ZNF280B: variants seen among roughly 807,000 people sequenced by gnomAD.
ZNF280B encodes suppressor of hairy wing homolog 2.
ZNF280B carries 16 observed loss-of-function variants against 38.0 expected under a neutral mutation model. The ratio of observed to expected loss-of-function variants is 0.42; its 90% CI spans 0.28 to 0.64. The LOEUF is 0.64. Ranked by LOEUF, ZNF280B falls within the 30% of genes least tolerant of loss-of-function variation. The pLI is 0.21. For missense variants in ZNF280B, 581 were observed against 639.6 expected (o/e 0.91, Z 0.99); for synonymous variants, 253 against 230.6 (o/e 1.10, Z -0.88).
rs186439821 is a variant in ZNF280B at position 22,507,791 on chromosome 22, G to C, written c.-187+19C>G. The C allele has an allele frequency of 7.2e-5, 11 of 152,014 alleles. No homozygotes were observed. The highest frequency in any genetic ancestry group is 6.6e-4 in the Admixed American group (10 of 15,242). 9.4% of individuals were successfully genotyped at this position (152,014 alleles called of 1,614,324 possible). ...AAATACAACTTTGGTCCTCATCAGG[G>C]AGACTTCTCTTTTCTTACCTCAGGT... On this transcript the variant is annotated intron_variant, in intron 2 of 3. Coordinates refer to ENST00000626650, the MANE Select transcript of ZNF280B (RefSeq NM_080764.4).
chr22:22,499,383 G>C lies in ZNF280B; in HGVS notation c.-186-5203C>G, dbSNP rs1034609525. Among the ~76,000 whole-genome samples, 6 of 151,704 alleles carry C rather than the reference G, an allele frequency of 4.0e-5. No individual in the cohort carries two copies. The East Asian group carries it at 7.9e-4, about 20-fold the overall frequency. On this transcript the variant is annotated intron_variant, in intron 2 of 3. Transcript: ENST00000626650. ...GGGTTCAAGCAATTCTCCTGCCTCT[G>C]CCTCCCAAGTAGCTGGGATTACAGG...
Position 22,489,309 on chromosome 22 carries a change from G to A in ZNF280B, c.90C>T (p.Leu30=). 1.2e-6 allele frequency: 2 copies of A among 1,613,758 alleles called. No homozygotes were observed. The highest frequency in any genetic ancestry group is 1.1e-5 in the South Asian group (1 of 91,050). Residue 30 remains leucine (L), a synonymous_variant, in exon 4 of 4, where the codon CTC becomes CTT. Coordinates refer to ENST00000626650, the MANE Select transcript of ZNF280B (RefSeq NM_080764.4). ...TKQVDDEDAE[L]IFVGVEHVNE... is the part of the protein sequence containing the mutation. ...TTACATGTTCCACACCAACAAAGATGAGCTCAGCATCTTCGTCATCTACTT... is the reference window on the plus strand; with the variant it reads ...TTACATGTTCCACACCAACAAAGATAAGCTCAGCATCTTCGTCATCTACTT...
chr22:22,496,612 G>A (rs2061700389), intron 2 of ZNF280B, among the ~76,000 whole-genome samples: 1 of 151,718 alleles, frequency 6.6e-6, no homozygotes, highest in Non-Finnish European at 1.5e-5. Flanking sequence ...TTCTAAGATA[G>A]CAAACGTGTA....
chr22:22,506,769 G>A (rs554464715), intron 2 of ZNF280B, among the ~76,000 whole-genome samples: 2 of 152,022 alleles, frequency 1.3e-5, no homozygotes, highest in Non-Finnish European at 2.9e-5. Context: ...TAGAGGTTCT[G>A]GCCTTAGCAA....
intron 2 of ZNF280B, among the ~76,000 whole-genome samples, chr22:22,504,370 T>C (rs779503414): frequency 7.4e-5 from 11 of 148,756 alleles, no homozygotes; most frequent in Admixed American, 6.8e-4. Context: ...GAGGTTGCAG[T>C]GAGCTGAGAT....
intron 2 of ZNF280B, among the ~76,000 whole-genome samples, chr22:22,499,816 A>G (rs564230917): frequency 1.3e-5 from 2 of 152,036 alleles, no homozygotes; most frequent in East Asian, 3.9e-4. Flanking sequence ...TCAACTCAAC[A>G]CCGTACTAGA....
rs369668754 is a variant in ZNF280B at position 22,501,842 on chromosome 22, T to C, written c.-187+5968A>G. Among the ~76,000 whole-genome samples, 67 of 151,800 alleles carry C rather than the reference T, an allele frequency of 4.4e-4. 2 individuals are homozygous for C. The South Asian group carries it at 5.0e-3, about 11-fold the overall frequency. Reference sequence around the variant, plus strand: ...TTGTACAACATAGTGAGACCCTACCTCTACAAAAAATTAAAAAATTAACCG... The same window carrying C: ...TTGTACAACATAGTGAGACCCTACCCCTACAAAAAATTAAAAAATTAACCG... On this transcript the variant is annotated intron_variant, in intron 2 of 3. Transcript: ENST00000626650.
rs1000543791 is a variant in ZNF280B at position 22,486,359 on chromosome 22, A to C, written c.*1408T>G. The C allele has an allele frequency of 1.9e-4, 28 of 147,466 alleles. No homozygotes were observed. Among genetic ancestry groups the C allele is most frequent in the African/African-American group, 7.4e-4 (27 of 36,656 alleles). 9.1% of individuals were successfully genotyped at this position (147,466 alleles called of 1,614,324 possible). On this transcript the variant is annotated 3_prime_UTR_variant, in exon 4 of 4. Transcript: ENST00000626650. ...GGGACAGTCCTCATTCCAGCTTAAC[A>C]GTGGGAAAACTAAATTTAGCCCAGT...
chr22:22,495,801 T>A (rs2061681540), intron 2 of ZNF280B, among the ~76,000 whole-genome samples: 1 of 151,846 alleles, frequency 6.6e-6, no homozygotes, highest in Non-Finnish European at 1.5e-5. Context: ...GATTTTTTTT[T>A]TTTTTAATTG....
intron 2 of ZNF280B, among the ~76,000 whole-genome samples, chr22:22,501,703 C>T (rs1447809982): frequency 6.6e-6 from 1 of 151,068 alleles, no homozygotes; most frequent in Non-Finnish European, 1.5e-5. Context: ...TGTAGTGAGA[C>T]CCCTTCTCTA....
intron 2 of ZNF280B, among the ~76,000 whole-genome samples, chr22:22,494,917 G>A (rs573562413): frequency 2.2e-4 from 34 of 151,940 alleles, no homozygotes; most frequent in African/African-American, 8.2e-4. Context: ...TAGTAGAGAT[G>A]GGGTTTCACC....
chr22:22,488,969 G>A lies in ZNF280B; in HGVS notation c.430C>T (p.Pro144Ser). 2 of 1,613,868 alleles carry A rather than the reference G, an allele frequency of 1.2e-6. No individual in the cohort carries two copies. The highest frequency in any genetic ancestry group is 1.1e-5 in the South Asian group (1 of 91,064). The change falls in exon 4 of 4, where the codon CCT becomes TCT. Residue 144 changes from proline to serine, a missense_variant. Pro to Ser is a moderately conservative substitution (Grantham distance 74, BLOSUM62 -1). Coordinates refer to ENST00000626650, the MANE Select transcript of ZNF280B (RefSeq NM_080764.4). ...VPNNSSELPS[P>S]LITFTDSLHH... ...AATGAATCTGTGAATGTAATCAAAG[G>A]AGAAGGTAATTCTGAAGAGTTATTA...
At chr22:22,509,132 A>T (rs1402886619), upstream of ZNF280B, 1 of 152,600 alleles carries the variant, frequency 6.6e-6, no homozygotes, top group Non-Finnish European at 1.5e-5. Flanking sequence ...GGTGGGGGGT[A>T]GGCTTCCAGT....
Position 22,485,706 on chromosome 22 carries a change from A to G in ZNF280B, c.*2061T>C, listed in dbSNP as rs1315064904. Reference sequence around the variant, plus strand: ...GAAATTTAACTAGATTGAGGAGGGAAGAAAGGAGTGGGGAGAGATAAGGTA... The same window carrying G: ...GAAATTTAACTAGATTGAGGAGGGAGGAAAGGAGTGGGGAGAGATAAGGTA... On this transcript the variant is annotated 3_prime_UTR_variant, in exon 4 of 4. Coordinates refer to ENST00000626650, the MANE Select transcript of ZNF280B (RefSeq NM_080764.4). 1 of 151,976 alleles carries G rather than the reference A, an allele frequency of 6.6e-6. No homozygotes were observed. Among genetic ancestry groups the G allele is most frequent in the African/African-American group, 2.4e-5 (1 of 41,374 alleles). 9.4% of individuals were successfully genotyped at this position (151,976 alleles called of 1,614,324 possible).
rs1202110614 is a variant in ZNF280B at position 22,488,397 on chromosome 22, C to T, written c.1002G>A (p.Gln334=). 2 of 1,613,908 alleles carry T rather than the reference C, an allele frequency of 1.2e-6. No homozygotes were observed. The highest frequency in any genetic ancestry group is 1.7e-5 in the Admixed American group (1 of 59,976). ...TGTGGTTTTCCCAGCTGTCGTTCCT[C>T]TGCTTCTCAAATTCCAAATGATGCT... The part of the protein sequence containing the change: ...HVKHHLEFEK[Q]RNDSWENHTT... Residue 334 remains glutamine (Q), a synonymous_variant, in exon 4 of 4, where the codon CAG becomes CAA. Coordinates refer to ENST00000626650, the MANE Select transcript of ZNF280B (RefSeq NM_080764.4).
At chr22:22,489,624 TC>T (rs1221609028) in intron 3 of ZNF280B, among the ~76,000 whole-genome samples, 158 bp from the exon 4 acceptor site, 1 of 151,874 alleles carries the variant, frequency 6.6e-6, no homozygotes, top group African/African-American at 2.4e-5. Context: ...AAGATCAGGT[TC>T]CTATGAATCT....
chr22:22,489,056 G>T lies in ZNF280B; in HGVS notation c.343C>A (p.Pro115Thr). The change falls in exon 4 of 4, where the codon CCT (proline) becomes ACT (threonine). Residue 115 changes from proline (P) to threonine (T), a missense_variant. Pro to Thr is a conservative substitution (Grantham distance 38). Coordinates refer to ENST00000626650, the MANE Select transcript of ZNF280B (RefSeq NM_080764.4). ...SQLESRSTDS[P>T]IIIEPLSKPD... ...TTAGACAAAGGCTCAATAATAATAG[G>T]ACTATCTGTTGATCTCGATTCAAGT... 2 of 1,613,816 alleles carry T rather than the reference G, an allele frequency of 1.2e-6. No individual in the cohort carries two copies. Among genetic ancestry groups the T allele is most frequent in the Non-Finnish European group, 1.7e-6 (2 of 1,179,940 alleles).
At position 22,486,556 on chromosome 22, in the gene ZNF280B, G is replaced by A. The variant is rs1438979878; in HGVS notation, c.*1211C>T. ...ACTAACGGCTAGCCAGAAGGGAGAG[G>A]AGAGGGAATGAATCAAATTCACCTT... On this transcript the variant is annotated 3_prime_UTR_variant, in exon 4 of 4. Coordinates refer to ENST00000626650, the MANE Select transcript of ZNF280B (RefSeq NM_080764.4). The A allele has an allele frequency of 6.6e-6, 1 of 152,504 alleles. No homozygotes were observed. Among genetic ancestry groups the A allele is most frequent in the East Asian group, 2.0e-4 (1 of 5,106 alleles). 9.4% of individuals were successfully genotyped at this position (152,504 alleles called of 1,614,324 possible).
Position 22,501,300 on chromosome 22 carries a change from C to T in ZNF280B, c.-187+6510G>A, listed in dbSNP as rs569669901. Among the ~76,000 whole-genome samples, 73 of 151,942 alleles carry T rather than the reference C, an allele frequency of 4.8e-4. 1 individual carries two copies. In the South Asian group the frequency reaches 0.015, roughly 31 times the overall value. On this transcript the variant is annotated intron_variant, in intron 2 of 3. Transcript: ENST00000626650. ...ACAGGCCCCAATCGGCATGGTGGCT[C>T]ACGTCTATAATCCCAGCACTCTGGG...
Sources: allele counts gnomAD v4.1 joint callset (sites outside exome capture counted in the v4.1 genomes callset), GRCh38; gene constraint gnomAD v4.1.1; transcripts MANE v1.5; gene names NCBI Gene and HGNC (gene_info 2026-07-23, HGNC 2026-07-21).